Variants in KATNIP observed in about 807,000 individuals in gnomAD.
KATNIP encodes katanin-interacting protein.
Under a neutral mutation model 174.0 loss-of-function variants are expected in KATNIP, and 126 were observed. The observed-to-expected ratio is 0.72, with a 90% CI of 0.63 to 0.84. The LOEUF is 0.84. Among genes scored for constraint, KATNIP ranks in the 40% least tolerant of loss-of-function variants. KATNIP has a pLI of 0.00. For synonymous variants in KATNIP, 810 were observed against 835.7 expected, an observed-to-expected ratio of 0.97 and a Z score of 0.53; for missense variants, 1,958 against 2,109.7, an observed-to-expected ratio of 0.93 and a Z score of 1.41.
chr16:27,683,347 A>G (rs978037550), intron 8 of KATNIP, among the ~76,000 whole-genome samples: 6 of 152,206 alleles, frequency 3.9e-5, no homozygotes, highest in Admixed American at 2.0e-4. Flanking sequence ...GAAATGTATC[A>G]TCTCACAGTT....
intron 2 of KATNIP, among the ~76,000 whole-genome samples, chr16:27,616,025 G>A (rs1225677060): frequency 2.0e-5 from 3 of 152,126 alleles, no homozygotes; most frequent in African/African-American, 7.2e-5. Context: ...CTTGGGACCA[G>A]TACCAAGCTG....
At chr16:27,616,887 TAAAAAAAAAAAAAAAAAAA>T (rs556687403) in intron 2 of KATNIP, among the ~76,000 whole-genome samples, 26 of 31,432 alleles carry the variant, frequency 8.3e-4, no homozygotes, top group South Asian at 2.4e-3. Flanking sequence ...CCATCTCTAC[TAAAAAAAAAAAAAAAAAAA>T]AAAAAAAAAA....
At chr16:27,719,291 G>A (rs1444862682) in intron 13 of KATNIP, among the ~76,000 whole-genome samples, 3 of 152,160 alleles carry the variant, frequency 2.0e-5, no homozygotes, top group African/African-American at 7.2e-5. Flanking sequence ...CCAGGAAACG[G>A]CCATCAGGGC....
At chr16:27,556,139 A>G (rs1248693633) in intron 1 of KATNIP, among the ~76,000 whole-genome samples, 1 of 152,166 alleles carries the variant, frequency 6.6e-6, no homozygotes, top group African/African-American at 2.4e-5. Context: ...AAAAAAAAAA[A>G]AAGTTCCTAT....
Position 27,624,261 on chromosome 16 carries a change from C to T in KATNIP, c.141-4400C>T, listed in dbSNP as rs537568172. ...CTCCTTGCCATCTAGGTCCCTGCCC[C>T]GGTGGCCCACGAGGAGGAGACTCCT... On this transcript the variant is annotated intron_variant, in intron 3 of 27. Coordinates refer to ENST00000261588, the MANE Select transcript of KATNIP (RefSeq NM_015202.5). Among the ~76,000 whole-genome samples the T allele has an allele frequency of 5.3e-5, 8 of 152,252 alleles. No homozygotes were observed. The South Asian group carries it at 8.3e-4, about 16-fold the overall frequency.
chr16:27,691,029 G>A (rs1276928941), intron 8 of KATNIP, among the ~76,000 whole-genome samples: 1 of 152,160 alleles, frequency 6.6e-6, no homozygotes, highest in African/African-American at 2.4e-5. Context: ...GGTTATGCCT[G>A]TGGGCTGCCG....
chr16:27,745,664 A>C (rs915649908), intron 15 of KATNIP, among the ~76,000 whole-genome samples: 1 of 152,194 alleles, frequency 6.6e-6, no homozygotes, highest in Non-Finnish European at 1.5e-5. Flanking sequence ...GTTGATTTTG[A>C]CAAACTTCAG....
At chr16:27,704,802 A>G (rs1329716069) in intron 12 of KATNIP, among the ~76,000 whole-genome samples, 1 of 152,152 alleles carries the variant, frequency 6.6e-6, no homozygotes, top group Non-Finnish European at 1.5e-5. Flanking sequence ...AGATGTGGCC[A>G]TATGAGTGTG....
At chr16:27,706,546 C>G (rs207475836) in intron 12 of KATNIP, among the ~76,000 whole-genome samples, 2 of 152,142 alleles carry the variant, frequency 1.3e-5, no homozygotes, top group African/African-American at 2.4e-5. Context: ...GCCAGTGTCC[C>G]CCTCCCACCG....
chr16:27,579,349 C>G (rs1490178088), intron 2 of KATNIP, among the ~76,000 whole-genome samples: 1 of 152,198 alleles, frequency 6.6e-6, no homozygotes, highest in African/African-American at 2.4e-5. Context: ...TGCCTCAAAT[C>G]CCAGCTGTGT....
At chr16:27,553,185 A>C (rs1158486974) in intron 1 of KATNIP, among the ~76,000 whole-genome samples, 1 of 152,232 alleles carries the variant, frequency 6.6e-6, no homozygotes, top group Non-Finnish European at 1.5e-5. Context: ...ATGCAAATCT[A>C]AACGTTGACC....
At chr16:27,579,447 G>C (rs2090613653) in intron 2 of KATNIP, among the ~76,000 whole-genome samples, 1 of 152,214 alleles carries the variant, frequency 6.6e-6, no homozygotes, top group South Asian at 2.1e-4. Context: ...ACCTAGCACA[G>C]TGCTGGGCAC....
chr16:27,680,803 T>C (rs141891920), intron 7 of KATNIP, among the ~76,000 whole-genome samples: 3,334 of 152,344 alleles, frequency 0.022, 138 homozygotes, highest in African/African-American at 0.076. Flanking sequence ...CAAGCAATTC[T>C]CATGCCTCAG....
At chr16:27,767,452 G>A (rs1400963178) in intron 20 of KATNIP, among the ~76,000 whole-genome samples, 1 of 152,134 alleles carries the variant, frequency 6.6e-6, no homozygotes, top group East Asian at 1.9e-4. Flanking sequence ...AGGTGTAGAG[G>A]CTCACGCCTG....
chr16:27,618,785 A>C (rs1199345084), intron 3 of KATNIP, among the ~76,000 whole-genome samples: 1 of 152,122 alleles, frequency 6.6e-6, no homozygotes, highest in African/African-American at 2.4e-5. Flanking sequence ...AAAGGCTTGG[A>C]TTTGGCAGGG....
At chr16:27,583,519 A>G (rs2090774295) in intron 2 of KATNIP, among the ~76,000 whole-genome samples, 2 of 152,088 alleles carry the variant, frequency 1.3e-5, no homozygotes, top group Non-Finnish European at 2.9e-5. Context: ...ACTGTCACTT[A>G]CTCTGGGGAC....
Position 27,766,369 on chromosome 16 carries a change from G to T in KATNIP, c.3870G>T (p.Ser1290=). 1 of 1,614,156 alleles carries T rather than the reference G, an allele frequency of 6.2e-7. No homozygotes were observed. The change falls in exon 20 of 28, where the codon TCG becomes TCT. Residue 1290 remains serine, a synonymous_variant. Coordinates refer to ENST00000261588, the MANE Select transcript of KATNIP (RefSeq NM_015202.5). ...EDEHMWLIPF[S]PGLDHVVTIR... ...AGCATATGTGGCTGATCCCCTTCTC[G>T]CCGGGGCTGGACCATGTGGTCACGA...
chr16:27,704,242 G>A (rs1012855166), intron 12 of KATNIP, among the ~76,000 whole-genome samples: 5 of 152,062 alleles, frequency 3.3e-5, no homozygotes, highest in Non-Finnish European at 7.3e-5. Context: ...AATATAAATA[G>A]CGTGGAAGCC....
chr16:27,594,461 G>A (rs1261006822), intron 2 of KATNIP, among the ~76,000 whole-genome samples: 1 of 151,992 alleles, frequency 6.6e-6, no homozygotes, highest in African/African-American at 2.4e-5. Flanking sequence ...TCCCCATCAA[G>A]GGCTCTGAGA....
Sources: allele counts gnomAD v4.1 joint callset (sites outside exome capture counted in the v4.1 genomes callset), GRCh38; gene constraint gnomAD v4.1.1; transcripts MANE v1.5; gene names NCBI Gene and HGNC (gene_info 2026-07-23, HGNC 2026-07-21).